Variants in TRDN observed in about 807,000 individuals in gnomAD.
TRDN encodes the protein triadin in skeletal muscle.
A neutral mutation model predicts 149.7 loss-of-function variants in TRDN; 161 were observed. The ratio of observed to expected loss-of-function variants is 1.08; its 90% CI spans 0.95 to 1.23. TRDN has a LOEUF of 1.23. TRDN is among the 50% of genes most tolerant of loss of function. TRDN has a pLI of 0.00. For missense variants in TRDN, 896 were observed against 823.5 expected, an observed-to-expected ratio of 1.09 and a Z score of -1.08; for synonymous variants, 294 against 250.5, an observed-to-expected ratio of 1.17 and a Z score of -1.64.
At chr6:123,314,164 C>T (rs940035673) in intron 24 of TRDN, among the ~76,000 whole-genome samples, 3 of 152,062 alleles carry the variant, frequency 2.0e-5, no homozygotes, top group East Asian at 1.9e-4. Flanking sequence ...AACAAATAAA[C>T]AACCTCATTA....
intron 32 of TRDN, 107 bp downstream of exon 32, chr6:123,267,600 A>G: frequency 1.4e-6 from 1 of 731,674 alleles, no homozygotes; most frequent in Non-Finnish European, 2.1e-6. Flanking sequence ...AGGACAACAC[A>G]TTACCAGGAA....
At chr6:123,305,866 G>A (rs1340951835) in intron 24 of TRDN, among the ~76,000 whole-genome samples, 2 of 152,036 alleles carry the variant, frequency 1.3e-5, no homozygotes, top group East Asian at 3.9e-4. Context: ...AATTGTACTG[G>A]TAATCCTTTT....
chr6:123,542,884 G>GTCTGTC lies in TRDN; in HGVS notation c.424+4455_424+4456insGACAGA, dbSNP rs1463696920. ...CGTGTGTGTGTGTGTGTGTGTGTGT[G>GTCTGTC]TGTCTGTCTGTCTGTCACTGCGTCT... On this transcript the variant is annotated intron_variant, in intron 4 of 40. Transcript: ENST00000334268. Among the ~76,000 whole-genome samples the GTCTGTC allele has an allele frequency of 4.8e-4, 71 of 148,986 alleles. No homozygotes were observed. In the East Asian group the frequency reaches 8.9e-3, roughly 19 times the overall value.
chr6:123,521,294 CAG>C (rs1458762260), intron 5 of TRDN, among the ~76,000 whole-genome samples: 1 of 152,116 alleles, frequency 6.6e-6, no homozygotes, highest in Non-Finnish European at 1.5e-5. Context: ...AAGGTTTTTA[CAG>C]AGACAATCCA....
At chr6:123,559,750 AAGTT>A (rs1337469076) in intron 2 of TRDN, among the ~76,000 whole-genome samples, 1 of 152,142 alleles carries the variant, frequency 6.6e-6, no homozygotes, top group Non-Finnish European at 1.5e-5. Context: ...CAAGCCTTAC[AAGTT>A]AGTTCAGGAT....
intron 1 of TRDN, among the ~76,000 whole-genome samples, chr6:123,586,646 G>A (rs1372973631): frequency 6.6e-6 from 1 of 152,136 alleles, no homozygotes; most frequent in Non-Finnish European, 1.5e-5. Flanking sequence ...CGGCATTGCA[G>A]AAGAAAATAA....
chr6:123,428,276 T>G (rs565355314), intron 12 of TRDN, among the ~76,000 whole-genome samples: 1 of 152,182 alleles, frequency 6.6e-6, no homozygotes, highest in African/African-American at 2.4e-5. Flanking sequence ...AGTTCAGGAA[T>G]GGGCCTATGA....
chr6:123,246,285 CA>C (rs1776176553), intron 38 of TRDN, among the ~76,000 whole-genome samples: 1 of 151,906 alleles, frequency 6.6e-6, no homozygotes, highest in Non-Finnish European at 1.5e-5. Flanking sequence ...TTCTAAAAAT[CA>C]ATGAATCTAG....
chr6:123,493,169 C>T (rs1193334257), intron 9 of TRDN, among the ~76,000 whole-genome samples: 1 of 152,112 alleles, frequency 6.6e-6, no homozygotes, highest in Non-Finnish European at 1.5e-5. Flanking sequence ...GTGTTGATAG[C>T]ATGCATTCAC....
chr6:123,243,131 G>A (rs980664544), intron 38 of TRDN, among the ~76,000 whole-genome samples: 10 of 152,102 alleles, frequency 6.6e-5, no homozygotes, highest in African/African-American at 1.7e-4. Flanking sequence ...AGAAAACTAC[G>A]TGTCCCTAGT....
chr6:123,251,554 C>T (rs766374096), intron 38 of TRDN, among the ~76,000 whole-genome samples: 1 of 151,324 alleles, frequency 6.6e-6, no homozygotes, highest in Non-Finnish European at 1.5e-5. Context: ...AATGTGTCAA[C>T]TAGAAAATTA....
chr6:123,521,159 C>T (rs1779660680), intron 5 of TRDN, among the ~76,000 whole-genome samples: 1 of 152,106 alleles, frequency 6.6e-6, no homozygotes, highest in African/African-American at 2.4e-5. Flanking sequence ...CTGAATCACC[C>T]TTTTTAAAAA....
At chr6:123,267,348 G>C (rs1233250640) in intron 32 of TRDN, among the ~76,000 whole-genome samples, 1 of 151,996 alleles carries the variant, frequency 6.6e-6, no homozygotes, top group East Asian at 1.9e-4. Flanking sequence ...TTCACAATTT[G>C]TGAAATTTAA....
intron 20 of TRDN, among the ~76,000 whole-genome samples, chr6:123,359,134 T>C (rs377523817): frequency 1.4e-4 from 22 of 152,244 alleles, no homozygotes; most frequent in African/African-American, 5.1e-4. Context: ...TCCAGATACA[T>C]ATTATGGTGG....
At chr6:123,381,998 T>C (rs1781741175) in intron 15 of TRDN, 120 bp downstream of exon 15, 1 of 547,154 alleles carries the variant, frequency 1.8e-6, no homozygotes, top group South Asian at 5.3e-5. Context: ...TCAATCTCAA[T>C]CATTTTTTCT....
chr6:123,431,539 A>G (rs1311036731), intron 12 of TRDN, among the ~76,000 whole-genome samples: 1 of 152,204 alleles, frequency 6.6e-6, no homozygotes, highest in Non-Finnish European at 1.5e-5. Flanking sequence ...CAGAAAAAAG[A>G]TAACTTTCTA....
At chr6:123,323,972 T>C (rs948946180) in intron 23 of TRDN, among the ~76,000 whole-genome samples, 5 of 152,192 alleles carry the variant, frequency 3.3e-5, no homozygotes, top group African/African-American at 9.6e-5. Flanking sequence ...GCAGAAATTG[T>C]CAGAATCAGG....
chr6:123,516,677 A>T (rs1249194715), intron 5 of TRDN, among the ~76,000 whole-genome samples: 2 of 152,096 alleles, frequency 1.3e-5, no homozygotes, highest in Non-Finnish European at 2.9e-5. Flanking sequence ...TGTTTTAAAA[A>T]ATATACTGGA....
intron 38 of TRDN, among the ~76,000 whole-genome samples, chr6:123,227,330 T>C (rs1374560810): frequency 6.6e-6 from 1 of 151,854 alleles, no homozygotes; most frequent in Non-Finnish European, 1.5e-5. Context: ...AAGAGATTGG[T>C]ACTATAAGGA....
Sources: allele counts gnomAD v4.1 joint callset (sites outside exome capture counted in the v4.1 genomes callset), GRCh38; gene constraint gnomAD v4.1.1; transcripts MANE v1.5; gene names NCBI Gene and HGNC (gene_info 2026-07-23, HGNC 2026-07-21).